The following ANO10 variants were observed in gnomAD, a reference collection of about 807,000 sequenced individuals.
ANO10 encodes the protein anoctamin 10, also known as anoctamin-10.
A neutral mutation model predicts 74.7 loss-of-function variants in ANO10; 77 were observed. The observed-to-expected ratio is 1.03, with a 90% CI of 0.86 to 1.25. The LOEUF is 1.25. Ranked by LOEUF, ANO10 falls within the 50% of genes most tolerant of loss-of-function variation. ANO10 has a pLI of 0.00. For synonymous variants in ANO10, 279 were observed against 284.9 expected, an observed-to-expected ratio of 0.98 and a Z score of 0.21; for missense variants, 721 against 778.1, an observed-to-expected ratio of 0.93 and a Z score of 0.87.
At position 43,555,213 on chromosome 3, in the gene ANO10, T is replaced by C; in HGVS notation, c.1668+65A>G. On this transcript the variant is annotated intron_variant, in intron 10 of 12. Transcript: ENST00000292246. Reference sequence around the variant, plus strand: ...CTGTAGGGCTTACTTTTTAATTTTTTTTCCCTGTCATAACACCTCGTATTT... The same window carrying C: ...CTGTAGGGCTTACTTTTTAATTTTTCTTCCCTGTCATAACACCTCGTATTT... 8 of 1,536,078 alleles carry C rather than the reference T, an allele frequency of 5.2e-6. 1 individual carries two copies. In the South Asian group the frequency reaches 9.1e-5, roughly 17 times the overall value.
intron 11 of ANO10, among the ~76,000 whole-genome samples, chr3:43,508,761 A>G (rs2077393063): frequency 6.8e-6 from 1 of 147,904 alleles, no homozygotes; most frequent in African/African-American, 2.5e-5. Context: ...ACCTGGACAC[A>G]GGAAGGGGAA....
intron 11 of ANO10, among the ~76,000 whole-genome samples, chr3:43,504,339 G>GATAC (rs2077214269): frequency 6.6e-6 from 1 of 151,332 alleles, no homozygotes; most frequent in East Asian, 1.9e-4. Context: ...TAGATAGATA[G>GATAC]ATAGATAAAA....
At chr3:43,665,979 C>T (rs2149575102) in intron 1 of ANO10, among the ~76,000 whole-genome samples, 1 of 152,196 alleles carries the variant, frequency 6.6e-6, no homozygotes, top group Admixed American at 6.5e-5. Flanking sequence ...ATTTTAATAA[C>T]TCCAAAGGAG....
intron 1 of ANO10, among the ~76,000 whole-genome samples, chr3:43,634,985 T>G (rs895377787): frequency 1.3e-5 from 2 of 151,702 alleles, no homozygotes; most frequent in Non-Finnish European, 2.9e-5. Flanking sequence ...CATGAGCAGA[T>G]GTATAGAGGC....
rs868406455 is a variant in ANO10, at chr3:43,494,757, T to C, written c.1797+54963A>G. ...CTTATGTGAAAGAACTAAAAAATTT[T>C]ATTGAAGGATATGTAATAAGTCATT... On this transcript the variant is annotated intron_variant, in intron 11 of 12. Transcript: ENST00000292246. 1.1e-4 allele frequency among the ~76,000 whole-genome samples: 16 copies of C among 152,214 alleles called. 1 individual carries two copies. The highest frequency in any genetic ancestry group is 7.7e-4 in the East Asian group (4 of 5,188).
At chr3:43,537,978 G>C (rs976043669) in intron 11 of ANO10, among the ~76,000 whole-genome samples, 1 of 152,106 alleles carries the variant, frequency 6.6e-6, no homozygotes, top group Non-Finnish European at 1.5e-5. Context: ...TAAAAAGGGT[G>C]GGGGGACAGA....
At chr3:43,427,508 G>A (rs1575761825) in intron 12 of ANO10, among the ~76,000 whole-genome samples, 1 of 152,026 alleles carries the variant, frequency 6.6e-6, no homozygotes, top group Non-Finnish European at 1.5e-5. Flanking sequence ...TAGCAATTAA[G>A]GTATAAATTA....
intron 11 of ANO10, among the ~76,000 whole-genome samples, chr3:43,443,188 A>G (rs943749090): frequency 6.6e-6 from 1 of 152,202 alleles, no homozygotes; most frequent in Admixed American, 6.5e-5. Flanking sequence ...ATATCACAAA[A>G]GGCCTAGGCC....
chr3:43,449,352 C>T (rs1207371894), intron 11 of ANO10, among the ~76,000 whole-genome samples: 2 of 152,068 alleles, frequency 1.3e-5, no homozygotes, highest in Admixed American at 6.6e-5. Context: ...TTATTTCTTT[C>T]AAGCTTTTGG....
At position 43,577,214 on chromosome 3, in the gene ANO10, A is replaced by T; in HGVS notation, c.640T>A (p.Phe214Ile). The T allele has an allele frequency of 1.2e-6, 2 of 1,614,186 alleles. No individual in the cohort carries two copies. The highest frequency in any genetic ancestry group is 1.7e-6 in the Non-Finnish European group (2 of 1,180,028). ...AATGCAAAAGTGAAATACTCCAAAA[A>T]TCCAAAGTACAGAGCAATTGTTTCC... is the stretch of plus-strand genomic sequence containing the variant. ...FGETIALYFG[F>I]LEYFTFALIP... The change falls in exon 6 of 13, where the codon TTT (phenylalanine) becomes ATT (isoleucine). Residue 214 changes from phenylalanine (F) to isoleucine (I), a missense_variant. Transcript: ENST00000292246.
At chr3:43,440,232 C>G (rs1424242305) in intron 11 of ANO10, among the ~76,000 whole-genome samples, 3 of 151,918 alleles carry the variant, frequency 2.0e-5, no homozygotes, top group African/African-American at 7.3e-5. Flanking sequence ...GGGTTAAACT[C>G]CCTGATCAAA....
intron 11 of ANO10, among the ~76,000 whole-genome samples, chr3:43,509,608 A>G (rs1274709534): frequency 6.6e-6 from 1 of 152,216 alleles, no homozygotes; most frequent in African/African-American, 2.4e-5. Context: ...GGAATATAAA[A>G]TGGTAAAACC....
At chr3:43,372,735 G>T in intron 12 of ANO10, 1 of 942,386 alleles carries the variant, frequency 1.1e-6, no homozygotes, top group Non-Finnish European at 1.6e-6. Flanking sequence ...TACCTGGTAT[G>T]TGGTCTCCAG....
At chr3:43,442,635 A>G (rs1458282028) in intron 11 of ANO10, among the ~76,000 whole-genome samples, 1 of 152,228 alleles carries the variant, frequency 6.6e-6, no homozygotes, top group African/African-American at 2.4e-5. Context: ...TGATCTATAG[A>G]TTCAATGCAG....
chr3:43,402,131 A>G (rs2092493022), intron 12 of ANO10, among the ~76,000 whole-genome samples: 1 of 152,180 alleles, frequency 6.6e-6, no homozygotes, highest in Admixed American at 6.5e-5. Context: ...TTTTCCTCAA[A>G]CCAAATGCAC....
At chr3:43,627,946 G>A (rs1395314913) in intron 1 of ANO10, among the ~76,000 whole-genome samples, 1 of 152,018 alleles carries the variant, frequency 6.6e-6, no homozygotes, top group Non-Finnish European at 1.5e-5. Context: ...GAGTGCAGTG[G>A]CGCTATCTAG....
At chr3:43,468,290 C>T (rs1287218483) in intron 11 of ANO10, among the ~76,000 whole-genome samples, 1 of 152,146 alleles carries the variant, frequency 6.6e-6, no homozygotes, top group Non-Finnish European at 1.5e-5. Context: ...ACCATGGCAT[C>T]CCCAGTGTGC....
intron 12 of ANO10, chr3:43,372,904 T>A (rs945706116): frequency 8.0e-6 from 12 of 1,500,754 alleles, no homozygotes; most frequent in Non-Finnish European, 1.1e-5. Flanking sequence ...GTAATTCCGA[T>A]GAACTTGTGA....
At chr3:43,507,834 G>A (rs1473691020) in intron 11 of ANO10, among the ~76,000 whole-genome samples, 1 of 152,184 alleles carries the variant, frequency 6.6e-6, no homozygotes, top group Non-Finnish European at 1.5e-5. Context: ...TGAAGAAAAA[G>A]GGGGAGATTG....
Sources: allele counts gnomAD v4.1 joint callset (sites outside exome capture counted in the v4.1 genomes callset), GRCh38; gene constraint gnomAD v4.1.1; transcripts MANE v1.5; gene names NCBI Gene and HGNC (gene_info 2026-07-23, HGNC 2026-07-21).